ESRP1: variants seen among roughly 807,000 people sequenced by gnomAD.
ESRP1 encodes RNA-binding motif protein 35A.
A neutral mutation model predicts 81.7 loss-of-function variants in ESRP1; 33 were observed. That is an observed-to-expected ratio of 0.40 (90% CI 0.31 to 0.54). The LOEUF (loss-of-function observed/expected upper bound fraction) is 0.54. ESRP1 is among the 20% of genes least tolerant of loss of function. The pLI is 0.41. For synonymous variants in ESRP1, 320 were observed against 303.3 expected (o/e 1.06, Z -0.57); for missense variants, 672 against 833.1 (o/e 0.81, Z 2.38).
At chr8:94,653,925 A>G (rs1230959278) in intron 4 of ESRP1, among the ~76,000 whole-genome samples, 1 of 152,214 alleles carries the variant, frequency 6.6e-6, no homozygotes, top group Non-Finnish European at 1.5e-5. Context: ...ATCGGCATGG[A>G]CACTGGCCTG....
intron 4 of ESRP1, among the ~76,000 whole-genome samples, chr8:94,657,840 C>T (rs920717572): frequency 2.0e-5 from 3 of 152,174 alleles, no homozygotes; most frequent in African/African-American, 7.2e-5. Flanking sequence ...ATAGTCAAAT[C>T]ATAGCTTTCG....
At chr8:94,643,816 G>T (rs1354965565) in intron 3 of ESRP1, among the ~76,000 whole-genome samples, 2 of 152,122 alleles carry the variant, frequency 1.3e-5, no homozygotes, top group African/African-American at 4.8e-5. Context: ...ACAAAGAGAG[G>T]AAAGAACTAT....
chr8:94,641,209 C>T lies in ESRP1; in HGVS notation c.-110C>T. ...AGCAGTAGCAAGGAAGGGGGGTGGG[C>T]GCTCTTTCTTTTTCTCTTAGAAGAG... On this transcript the variant is annotated 5_prime_UTR_variant, in exon 1 of 16. Transcript: ENST00000433389. The T allele has an allele frequency of 5.8e-6, 6 of 1,042,708 alleles. No individual in the cohort carries two copies. Among genetic ancestry groups the T allele is most frequent in the East Asian group, 5.4e-5 (2 of 37,064 alleles). The allele number at this position is 1,042,708 out of a possible 1,614,324, so 64.6% of individuals were successfully genotyped here.
intron 13 of ESRP1, among the ~76,000 whole-genome samples, chr8:94,681,355 T>C (rs1475073558): frequency 1.0e-4 from 9 of 87,702 alleles, no homozygotes; most frequent in Non-Finnish European, 1.6e-4. Flanking sequence ...AAAAAAAAAC[T>C]GGCTTGGCAT....
chr8:94,673,054 C>T (rs938211074), intron 11 of ESRP1, among the ~76,000 whole-genome samples: 63 of 152,182 alleles, frequency 4.1e-4, no homozygotes, highest in African/African-American at 1.5e-3. Flanking sequence ...CATCCTGAGC[C>T]CTTGCCTTCT....
chr8:94,706,258 A>G lies in ESRP1; in HGVS notation c.*369A>G, dbSNP rs1810066734. ...TTAAGTCTTGGATAAAAACTCCACC[A>G]GTGTCTACCATCTCCACCATGAACT... On this transcript the variant is annotated 3_prime_UTR_variant, in exon 16 of 16. Transcript: ENST00000433389. 3.3e-6 allele frequency: 1 copy of G among 302,410 alleles called. No individual in the cohort carries two copies. Among genetic ancestry groups the G allele is most frequent in the Non-Finnish European group, 6.1e-6 (1 of 163,316 alleles). The allele number at this position is 302,410 out of a possible 1,614,324, so 18.7% of individuals were successfully genotyped here.
chr8:94,672,292 C>T (rs1819367232), intron 11 of ESRP1, among the ~76,000 whole-genome samples: 1 of 152,046 alleles, frequency 6.6e-6, no homozygotes, highest in African/African-American at 2.4e-5. Flanking sequence ...CTAGAAAGAA[C>T]AGTATGTGTG....
At position 94,641,211 on chromosome 8, in the gene ESRP1, C is replaced by G. The variant is rs1817564222; in HGVS notation, c.-108C>G. The G allele has an allele frequency of 3.7e-6, 4 of 1,085,668 alleles. No individual in the cohort carries two copies. Among genetic ancestry groups the G allele is most frequent in the African/African-American group, 1.6e-5 (1 of 62,456 alleles). 67.3% of individuals were successfully genotyped at this position (1,085,668 alleles called of 1,614,324 possible). ...CAGTAGCAAGGAAGGGGGGTGGGCGCTCTTTCTTTTTCTCTTAGAAGAGGG... is the reference window on the plus strand; with the variant it reads ...CAGTAGCAAGGAAGGGGGGTGGGCGGTCTTTCTTTTTCTCTTAGAAGAGGG... On this transcript the variant is annotated 5_prime_UTR_variant, in exon 1 of 16. Coordinates refer to ENST00000433389, the MANE Select transcript of ESRP1 (RefSeq NM_017697.4).
chr8:94,705,311 G>A (rs1284279789), intron 15 of ESRP1, among the ~76,000 whole-genome samples: 3 of 151,748 alleles, frequency 2.0e-5, no homozygotes, highest in Non-Finnish European at 4.4e-5. Context: ...GGGAATATAG[G>A]CACACACCAC....
At position 94,706,314 on chromosome 8, in the gene ESRP1, C is replaced by T; in HGVS notation, c.*425C>T. On this transcript the variant is annotated 3_prime_UTR_variant, in exon 16 of 16. Coordinates refer to ENST00000433389, the MANE Select transcript of ESRP1 (RefSeq NM_017697.4). The stretch of plus-strand genomic sequence containing the variant: ...AAGGAAGCTTCATTTTTGTATATTC[C>T]CGCTCTTTTCTCTTCATTTCCCTGT... 5.4e-6 allele frequency: 1 copy of T among 184,972 alleles called. No homozygotes were observed. Among genetic ancestry groups the T allele is most frequent in the East Asian group, 1.3e-4 (1 of 7,484 alleles). 11.5% of individuals were successfully genotyped at this position (184,972 alleles called of 1,614,324 possible).
intron 12 of ESRP1, among the ~76,000 whole-genome samples, chr8:94,676,185 A>G (rs1045119828): frequency 1.2e-4 from 18 of 151,596 alleles, no homozygotes; most frequent in African/African-American, 4.4e-4. Context: ...ACATGGTGAA[A>G]CCCCCTCTCT....
chr8:94,678,187 C>T lies in ESRP1; in HGVS notation c.1652-16C>T. The T allele has an allele frequency of 6.2e-7, 1 of 1,612,746 alleles. No homozygotes were observed. The highest frequency in any genetic ancestry group is 1.1e-5 in the South Asian group (1 of 90,970). ...GTTACAAATATGTCTCAAAGAATCT[C>T]TCTTTGCATATCTAGGCCTGTCTCC... is the stretch of plus-strand genomic sequence containing the variant. On this transcript the variant is annotated splice_polypyrimidine_tract_variant and intron_variant, in intron 12 of 15. Transcript: ENST00000433389.
chr8:94,687,059 T>C (rs1809169742), intron 13 of ESRP1, among the ~76,000 whole-genome samples: 1 of 152,178 alleles, frequency 6.6e-6, no homozygotes, highest in Non-Finnish European at 1.5e-5. Context: ...ATCTAATCTT[T>C]AGGTAATCAT....
At position 94,678,248 on chromosome 8, in the gene ESRP1, T is replaced by A. The variant is rs1808721533; in HGVS notation, c.1697T>A (p.Ile566Asn). ...SYTFPAPAAV[I>N]PTEAAIYQPS... ...ACATTTCCAGCTCCTGCTGCAGTTA[T>A]TCCTACAGAAGCTGCCATTTACCAG... Residue 566 changes from isoleucine (I) to asparagine (N), a missense_variant, in exon 13 of 16, where the codon ATT becomes AAT. Transcript: ENST00000433389. 5.0e-6 allele frequency: 8 copies of A among 1,614,040 alleles called. No individual in the cohort carries two copies. The highest frequency in any genetic ancestry group is 1.3e-5 in the African/African-American group (1 of 75,046).
At chr8:94,676,985 T>G (rs1808670796) in intron 12 of ESRP1, among the ~76,000 whole-genome samples, 1 of 151,946 alleles carries the variant, frequency 6.6e-6, no homozygotes, top group South Asian at 2.1e-4. Context: ...AAACCCTGTT[T>G]CTACTAAAAA....
Position 94,672,906 on chromosome 8 carries a change from G to A in ESRP1, c.1452+1235G>A, listed in dbSNP as rs147734277. Among the ~76,000 whole-genome samples the A allele has an allele frequency of 4.1e-3, 541 of 130,676 alleles. 2 individuals carry two copies. The highest frequency in any genetic ancestry group is 6.9e-3 in the Non-Finnish European group (431 of 62,778). The allele number at this position is 130,676 out of a possible 152,430, so 85.7% of individuals were successfully genotyped here. A position where few individuals can be genotyped will look rare whatever the true frequency, so the allele number is the denominator to read the frequency against. Reference sequence around the variant, plus strand: ...TCTGAGGATTAAGGGTTGAATGTAGGCTTATATTGAAAATACTGAATTTTT... The same window carrying A: ...TCTGAGGATTAAGGGTTGAATGTAGACTTATATTGAAAATACTGAATTTTT... On this transcript the variant is annotated intron_variant, in intron 11 of 15. Coordinates refer to ENST00000433389, the MANE Select transcript of ESRP1 (RefSeq NM_017697.4).
At chr8:94,660,709 C>CAAAAAAAA (rs60316449) in intron 4 of ESRP1, among the ~76,000 whole-genome samples, 5 of 43,542 alleles carry the variant, frequency 1.1e-4, no homozygotes, top group African/African-American at 2.1e-4. Flanking sequence ...GAGACTATCT[C>CAAAAAAAA]AAAAAAAAAA....
intron 13 of ESRP1, among the ~76,000 whole-genome samples, chr8:94,681,119 A>T (rs1808856521): frequency 6.6e-6 from 1 of 151,510 alleles, no homozygotes; most frequent in Admixed American, 6.6e-5. Flanking sequence ...AGGTCAGGAG[A>T]TAGAGACCAT....
In ESRP1 at chr8:94,705,156, C is replaced by CTTTTTTT. The variant is rs57801249; in HGVS notation, c.*36-746_*36-740dup. On this transcript the variant is annotated intron_variant, in intron 15 of 15. Coordinates refer to ENST00000433389, the MANE Select transcript of ESRP1 (RefSeq NM_017697.4). ...TTTGCTGTTATGTCATGCCTTATTGCTTTTTTTTTTTTTTTTTTTTTTTTT... is the reference window on the plus strand; with the variant it reads ...TTTGCTGTTATGTCATGCCTTATTGCTTTTTTTTTTTTTTTTTTTTTTTTTTTTTTTT... 2.1e-4 allele frequency among the ~76,000 whole-genome samples: 19 copies of CTTTTTTT among 90,534 alleles called. 1 individual carries two copies. The highest frequency in any genetic ancestry group is 6.6e-4 in the East Asian group (2 of 3,016). The allele number at this position is 90,534 out of a possible 152,430, so 59.4% of individuals were successfully genotyped here. A position where few individuals can be genotyped will look rare whatever the true frequency, so the allele number is the denominator to read the frequency against.
Sources: allele counts gnomAD v4.1 joint callset (sites outside exome capture counted in the v4.1 genomes callset), GRCh38; gene constraint gnomAD v4.1.1; transcripts MANE v1.5; gene names NCBI Gene and HGNC (gene_info 2026-07-23, HGNC 2026-07-21).